Variants in CAPN2 observed in about 807,000 individuals in gnomAD.
CAPN2 encodes the protein calpain 2, also known as calpain-2 catalytic subunit.
Under a neutral mutation model 102.3 loss-of-function variants are expected in CAPN2, and 92 were observed. That is an observed-to-expected ratio of 0.90 (90% CI 0.76 to 1.07). The LOEUF (loss-of-function observed/expected upper bound fraction) is 1.07, where lower values mean the gene tolerates loss of function less well. Among genes scored for constraint, CAPN2 ranks in the 50% least tolerant of loss-of-function variants. The probability of loss-of-function intolerance (pLI) is 0.00; values close to 1 mark genes in which losing one functional copy is unlikely to be tolerated. For missense variants in CAPN2, 800 were observed against 909.4 expected, an observed-to-expected ratio of 0.88 and a Z score of 1.55; for synonymous variants, 340 against 355.4, an observed-to-expected ratio of 0.96 and a Z score of 0.49.
Position 223,759,047 on chromosome 1 carries a change from T to TA in CAPN2, c.1318-216dup, listed in dbSNP as rs1553255752. 43 of 572,678 alleles carry TA rather than the reference T, an allele frequency of 7.5e-5. No homozygotes were observed. In the East Asian group the frequency reaches 9.4e-4, roughly 13 times the overall value. 35.5% of individuals were successfully genotyped at this position (572,678 alleles called of 1,614,324 possible). A position where few individuals can be genotyped will look rare whatever the true frequency, so the allele number is the denominator to read the frequency against. ...CATTGTCACTGTACTGCTATTTTTT[T>TA]AAAAAAATTTTGTTGTTTTGTTGTT... On this transcript the variant is annotated intron_variant, in intron 11 of 20. Coordinates refer to ENST00000295006, the MANE Select transcript of CAPN2 (RefSeq NM_001748.5). This position sits in a 1 kb window ranked among gnomAD's most constrained non-coding sequence, Gnocchi z 4.6.
intron 7 of CAPN2, 138 bp from the exon 8 acceptor site, chr1:223,751,859 G>C: frequency 1.5e-6 from 1 of 650,158 alleles, no homozygotes; most frequent in Non-Finnish European, 2.8e-6. Flanking sequence ...GCAGCTGTTA[G>C]CCAGATGTGG....
chr1:223,765,227 GATAAA>G (rs1258979934), intron 15 of CAPN2, among the ~76,000 whole-genome samples: 1 of 152,218 alleles, frequency 6.6e-6, no homozygotes, highest in African/African-American at 2.4e-5. Flanking sequence ...AACTCCATGA[GATAAA>G]ATAAATCTGC....
chr1:223,742,171 AC>A (rs1660634064), intron 2 of CAPN2, among the ~76,000 whole-genome samples: 1 of 152,026 alleles, frequency 6.6e-6, no homozygotes, highest in Admixed American at 6.6e-5. Flanking sequence ...GCAGGCGATC[AC>A]CTGAGGTCAG....
intron 1 of CAPN2, among the ~76,000 whole-genome samples, chr1:223,703,255 G>C (rs1659526233): frequency 1.3e-5 from 2 of 152,034 alleles, no homozygotes; most frequent in South Asian, 4.1e-4. Flanking sequence ...ACAATGACAA[G>C]ACCTATCTTA....
At chr1:223,737,702 C>CGGGGGGGGG (rs1558066398) in intron 2 of CAPN2, among the ~76,000 whole-genome samples, 4 of 7,610 alleles carry the variant, frequency 5.3e-4, no homozygotes, top group African/African-American at 1.2e-3. Flanking sequence ...CCAAAAGAGA[C>CGGGGGGGGG]GGGGCGGGGG....
At chr1:223,724,622 C>A (rs1361275916) in intron 2 of CAPN2, among the ~76,000 whole-genome samples, 6 of 152,196 alleles carry the variant, frequency 3.9e-5, no homozygotes, top group African/African-American at 1.4e-4. Context: ...AGCCTCTCAG[C>A]CTTTACTCTC....
chr1:223,725,650 A>G lies in CAPN2; in HGVS notation c.307+7819A>G, dbSNP rs1660172070. 6.6e-6 allele frequency among the ~76,000 whole-genome samples: 1 copy of G among 152,078 alleles called. No individual in the cohort carries two copies. The highest frequency in any genetic ancestry group is 1.5e-5 in the Non-Finnish European group (1 of 67,992). On this transcript the variant is annotated intron_variant, in intron 2 of 20. Transcript: ENST00000295006. This position sits in a 1 kb window ranked among gnomAD's most constrained non-coding sequence, Gnocchi z 4.1. ...ATTGGCGGCCACCTAAGTTTTGGAG[A>G]GGGGTATGACAGAGGAGGTGGTGTC... is the stretch of plus-strand genomic sequence containing the variant.
At chr1:223,761,138 T>C (rs1629850) in intron 12 of CAPN2, among the ~76,000 whole-genome samples, 22,074 of 152,252 alleles carry the variant, frequency 0.14, 2,332 homozygotes, top group African/African-American at 0.29. Flanking sequence ...AAAGTCTATG[T>C]TGGCAAAGGA....
Position 223,759,901 on chromosome 1 carries a change from A to AG in CAPN2, c.1529+420_1529+421insG, listed in dbSNP as rs200317946. Among the ~76,000 whole-genome samples the AG allele has an allele frequency of 0.14, 20,880 of 151,542 alleles. 1,451 individuals are homozygous for AG. The highest frequency in any genetic ancestry group is 0.27 in the African/African-American group (11,030 of 41,162). On this transcript the variant is annotated intron_variant, in intron 12 of 20. Transcript: ENST00000295006. The surrounding 1 kb of genome is among the most constrained non-coding windows in gnomAD (Gnocchi z 4.6). ...AAGGGTGTAAGGTGGGAACCATCTC[A>AG]ACGGTTCCCACCTCCAGAACCTCTC...
At chr1:223,733,173 C>A (rs1660372895) in intron 2 of CAPN2, among the ~76,000 whole-genome samples, 1 of 152,102 alleles carries the variant, frequency 6.6e-6, no homozygotes, top group South Asian at 2.1e-4. Context: ...ACAGGTAGCT[C>A]AGGTGTGCCT....
At chr1:223,735,638 C>A (rs1341826980) in intron 2 of CAPN2, among the ~76,000 whole-genome samples, 18 of 152,138 alleles carry the variant, frequency 1.2e-4, no homozygotes. Flanking sequence ...CCACCATACT[C>A]CTTTCTGGTT....
intron 3 of CAPN2, among the ~76,000 whole-genome samples, 190 bp downstream of exon 3, chr1:223,744,408 G>A (rs1465613002): frequency 1.3e-5 from 2 of 152,082 alleles, no homozygotes; most frequent in Admixed American, 6.6e-5. Flanking sequence ...GACCCGGCTG[G>A]GATGGCCCTG....
intron 19 of CAPN2, 48 bp from the exon 20 acceptor site, chr1:223,772,133 C>A (rs1339553997): frequency 6.5e-7 from 1 of 1,542,466 alleles, no homozygotes; most frequent in Non-Finnish European, 9.0e-7. Flanking sequence ...ATAATGTGAT[C>A]TGTTTCAGCT....
chr1:223,708,648 G>A (rs937463295), upstream of CAPN2, among the ~76,000 whole-genome samples: 3 of 149,124 alleles, frequency 2.0e-5, no homozygotes, highest in African/African-American at 7.4e-5. Flanking sequence ...GCTGGTACCT[G>A]TAATCCCAGC....
At position 223,712,853 on chromosome 1, in the gene CAPN2, G is replaced by C; in HGVS notation, c.213G>C (p.Arg71=). ...TGGGGCCCTACTCCAGCAAAACCCG[G>C]GGCATCGAGTGGAAGCGCCCCACGG... ...KELGPYSSKT[R]GIEWKRPTEI... Residue 71 remains arginine, a synonymous_variant, in exon 1 of 21, where the codon CGG becomes CGC. Coordinates refer to ENST00000295006, the MANE Select transcript of CAPN2 (RefSeq NM_001748.5). The C allele has an allele frequency of 6.4e-7, 1 of 1,550,792 alleles. No homozygotes were observed. Among genetic ancestry groups the C allele is most frequent in the Non-Finnish European group, 8.7e-7 (1 of 1,151,236 alleles).
intron 11 of CAPN2, chr1:223,758,956 G>C (rs1050347500): frequency 1.1e-5 from 4 of 372,886 alleles, no homozygotes; most frequent in Non-Finnish European, 2.0e-5. Flanking sequence ...CTCCCAAAGT[G>C]CTGGTATTAC....
rs553647128 is a variant in CAPN2 at position 223,754,495 on chromosome 1, C to T, written c.1136-985C>T. ...AGGCAGCCATACTTAAGCGAATGGC[C>T]GTGGCTACGTTCCAATAAAACGTTA... On this transcript the variant is annotated intron_variant, in intron 9 of 20. Transcript: ENST00000295006. This position sits in a 1 kb window ranked among gnomAD's most constrained non-coding sequence, Gnocchi z 4.7. Among the ~76,000 whole-genome samples, 1 of 152,320 alleles carries T rather than the reference C, an allele frequency of 6.6e-6. No homozygotes were observed. Among genetic ancestry groups the T allele is most frequent in the African/African-American group, 2.4e-5 (1 of 41,568 alleles).
At position 223,754,332 on chromosome 1, in the gene CAPN2, C is replaced by G. The variant is rs1000787136; in HGVS notation, c.1136-1148C>G. Reference sequence around the variant, plus strand: ...CAGTCCCAGAGGCGCTGGGAAGGCCCTCTGCCCCCCACAAGGGACCCCTCC... The same window carrying G: ...CAGTCCCAGAGGCGCTGGGAAGGCCGTCTGCCCCCCACAAGGGACCCCTCC... On this transcript the variant is annotated intron_variant, in intron 9 of 20. Coordinates refer to ENST00000295006, the MANE Select transcript of CAPN2 (RefSeq NM_001748.5). The surrounding 1 kb of genome is among the most constrained non-coding windows in gnomAD (Gnocchi z 4.7). 8.5e-5 allele frequency among the ~76,000 whole-genome samples: 13 copies of G among 152,234 alleles called. No individual in the cohort carries two copies. The highest frequency in any genetic ancestry group is 7.2e-4 in the Admixed American group (11 of 15,286).
At chr1:223,736,589 C>T (rs74729824) in intron 2 of CAPN2, among the ~76,000 whole-genome samples, 3,911 of 152,266 alleles carry the variant, frequency 0.026, 168 homozygotes, top group African/African-American at 0.088. Flanking sequence ...TTCCTTTCAA[C>T]AGTGCTGGGT....
Sources: gnomAD v4.1 joint callset for allele counts (sites outside exome capture counted in the v4.1 genomes callset) on GRCh38, gnomAD v4.1.1 for gene constraint, Gnocchi (gnomAD v3.1) non-coding constraint, MANE v1.5 for transcripts, NCBI Gene and HGNC (gene_info 2026-07-23, HGNC 2026-07-21) for gene names.